The following ACSL4 variants were observed in gnomAD, a reference collection of about 807,000 sequenced individuals.
ACSL4 encodes the protein acyl-CoA synthetase long chain family member 4.
A neutral mutation model predicts 49.1 loss-of-function variants in ACSL4; 9 were observed. The observed-to-expected ratio is 0.18, with a 90% CI of 0.11 to 0.32. The LOEUF is 0.32. ACSL4 is among the 10% of genes least tolerant of loss of function. The probability of loss-of-function intolerance (pLI) is 1.00; values close to 1 mark genes in which losing one functional copy is unlikely to be tolerated. For missense variants in ACSL4, 333 were observed against 493.7 expected, an observed-to-expected ratio of 0.67 and a Z score of 3.08; for synonymous variants, 191 against 170.3, an observed-to-expected ratio of 1.12 and a Z score of -0.95.
At position 109,650,726 on chromosome X, in the gene ACSL4, C is replaced by T. The variant is rs184695474; in HGVS notation, c.1856-6540G>A. On this transcript the variant is annotated intron_variant, in intron 15 of 15. Coordinates refer to ENST00000672401, the MANE Select transcript of ACSL4 (RefSeq NM_001318510.2). ...AGAGAAGTCCCTTTGTCTCTCTATA[C>T]CTTCTTAACACTATGCTTTGTTCAA... is the stretch of plus-strand genomic sequence containing the variant. Among the ~76,000 whole-genome samples, 626 of 111,753 alleles carry T rather than the reference C, an allele frequency of 5.6e-3. 6 individuals are homozygous for T. Among genetic ancestry groups the T allele is most frequent in the African/African-American group, 0.017 (538 of 30,790 alleles).
At chrX:109,646,618 G>A (rs1934716985) in intron 15 of ACSL4, among the ~76,000 whole-genome samples, 1 of 108,563 alleles carries the variant, frequency 9.2e-6, no homozygotes, top group East Asian at 2.9e-4. Context: ...ATCAACTAAC[G>A]AGCAAAATAA....
At chrX:109,653,862 G>C (rs1023535132) in intron 15 of ACSL4, among the ~76,000 whole-genome samples, 1 of 108,639 alleles carries the variant, frequency 9.2e-6, no homozygotes. Context: ...GCTAAATGAC[G>C]AGTTAATGGG....
chrX:109,693,779 A>T (rs1161050806), intron 2 of ACSL4, among the ~76,000 whole-genome samples: 1 of 111,970 alleles, frequency 8.9e-6, no homozygotes, highest in Admixed American at 9.5e-5. Context: ...ACAGAGTACT[A>T]TCTGCAATCT....
At chrX:109,665,291 T>C (rs1457672211) in intron 12 of ACSL4, 129 bp downstream of exon 12, 12 of 560,450 alleles carry the variant, frequency 2.1e-5, no homozygotes, top group Non-Finnish European at 3.4e-5. Context: ...AAAGAATGCA[T>C]GGGGACAGGC....
At chrX:109,717,924 T>C (rs1927248765) in intron 1 of ACSL4, among the ~76,000 whole-genome samples, 2 of 111,903 alleles carry the variant, frequency 1.8e-5, no homozygotes, top group African/African-American at 6.5e-5. Flanking sequence ...ACAATTCTTC[T>C]TCCAACATGG....
intron 1 of ACSL4, among the ~76,000 whole-genome samples, chrX:109,720,059 C>T (rs1927428708): frequency 9.0e-6 from 1 of 111,589 alleles, no homozygotes; most frequent in Non-Finnish European, 1.9e-5. Flanking sequence ...GTGGCACAGG[C>T]TTGTAATCCC....
intron 14 of ACSL4, among the ~76,000 whole-genome samples, chrX:109,660,773 T>C (rs1438234889): frequency 8.9e-6 from 1 of 111,822 alleles, no homozygotes; most frequent in Non-Finnish European, 1.9e-5. Flanking sequence ...AATTCTGACA[T>C]ATGCTACAAC....
In ACSL4 at chrX:109,659,339, C is replaced by T; in HGVS notation, c.1855+15G>A. On this transcript the variant is annotated intron_variant, in intron 15 of 15. Coordinates refer to ENST00000672401, the MANE Select transcript of ACSL4 (RefSeq NM_001318510.2). ...ACTTTTAGGGACTATACCAGTCTAG[C>T]AATTTCTTACTTACTGGCATTTGCA... The T allele has an allele frequency of 8.3e-7, 1 of 1,203,811 alleles. No individual in the cohort carries two copies. Among genetic ancestry groups the T allele is most frequent in the Non-Finnish European group, 1.1e-6 (1 of 889,239 alleles).
chrX:109,683,079 T>G (rs906066039), intron 3 of ACSL4, 57 bp downstream of exon 3: 76 of 1,147,110 alleles, frequency 6.6e-5, no homozygotes, highest in Non-Finnish European at 9.0e-5. Context: ...CGATTTATGA[T>G]AAAACAAATG....
chrX:109,669,251 T>C, intron 9 of ACSL4, 78 bp from the exon 10 acceptor site: 1 of 804,062 alleles, frequency 1.2e-6, no homozygotes, highest in Non-Finnish European at 1.8e-6. Context: ...ACTTGCAACA[T>C]CTTGGGTAAA....
At chrX:109,671,220 A>G (rs1299875175) in intron 9 of ACSL4, among the ~76,000 whole-genome samples, 1 of 107,006 alleles carries the variant, frequency 9.3e-6, no homozygotes, top group Non-Finnish European at 1.9e-5. Flanking sequence ...GGATGTGGGG[A>G]GCACCTCTGC....
At chrX:109,675,082 A>T (rs1020570586) in intron 8 of ACSL4, among the ~76,000 whole-genome samples, 1 of 112,599 alleles carries the variant, frequency 8.9e-6, no homozygotes, top group African/African-American at 3.2e-5. Flanking sequence ...GATAAAGGAG[A>T]TAAAATAACT....
At chrX:109,699,730 G>T (rs2147488973) in intron 1 of ACSL4, among the ~76,000 whole-genome samples, 2 of 111,140 alleles carry the variant, frequency 1.8e-5, no homozygotes, top group East Asian at 5.7e-4. Flanking sequence ...TATATTTTGG[G>T]TTTTTTTCCT....
At chrX:109,680,798 T>C (rs1924101415) in intron 6 of ACSL4, among the ~76,000 whole-genome samples, 200 bp downstream of exon 6, 1 of 112,644 alleles carries the variant, frequency 8.9e-6, no homozygotes, top group Non-Finnish European at 1.9e-5. Flanking sequence ...CTTAGTGAAA[T>C]TTACTAACTT....
chrX:109,667,126 G>A (rs1922718075), intron 11 of ACSL4, among the ~76,000 whole-genome samples: 1 of 112,631 alleles, frequency 8.9e-6, no homozygotes, highest in Admixed American at 9.3e-5. Context: ...TGTCAATAGA[G>A]AGACAGTTTA....
At chrX:109,648,189 C>T (rs368898045) in intron 15 of ACSL4, among the ~76,000 whole-genome samples, 1 of 111,462 alleles carries the variant, frequency 9.0e-6, no homozygotes, top group Non-Finnish European at 1.9e-5. Flanking sequence ...CCAGCATCAT[C>T]CTGATACCAA....
At chrX:109,650,499 G>A (rs991146539) in intron 15 of ACSL4, among the ~76,000 whole-genome samples, 3 of 96,037 alleles carry the variant, frequency 3.1e-5, no homozygotes, top group Non-Finnish European at 4.2e-5. Context: ...GACACAGGAA[G>A]GGGAACATCA....
intron 1 of ACSL4, among the ~76,000 whole-genome samples, chrX:109,713,485 G>C (rs1037466422): frequency 9.0e-6 from 1 of 111,516 alleles, no homozygotes; most frequent in Non-Finnish European, 1.9e-5. Flanking sequence ...GATGGGACAG[G>C]GGTGCAGGGT....
At chrX:109,700,085 G>A (rs750769087) in intron 1 of ACSL4, among the ~76,000 whole-genome samples, 58 of 107,981 alleles carry the variant, frequency 5.4e-4, no homozygotes, top group Non-Finnish European at 1.0e-3. Context: ...GTGGATGCCT[G>A]TAATCCTAGC....
Sources: allele counts gnomAD v4.1 joint callset (sites outside exome capture counted in the v4.1 genomes callset), GRCh38; gene constraint gnomAD v4.1.1; transcripts MANE v1.5; gene names NCBI Gene and HGNC (gene_info 2026-07-23, HGNC 2026-07-21).